The following CIMIP2C variants were observed in gnomAD, a reference collection of about 807,000 sequenced individuals.
CIMIP2C encodes UPF0573 protein C2orf70.
the CIMIP2C span, among the ~76,000 whole-genome samples, chr2:26,570,780 T>G: frequency 1.5e-4 from 23 of 152,118 alleles, no homozygotes; most frequent in Non-Finnish European, 2.6e-4. Flanking sequence ...TGGTGCTGTA[T>G]GGACAGCAGG....
At chr2:26,571,447 C>A in the CIMIP2C span, among the ~76,000 whole-genome samples, 1 of 152,220 alleles carries the variant, frequency 6.6e-6, no homozygotes, top group Admixed American at 6.5e-5. Flanking sequence ...GCCAGCTCAG[C>A]ATGGCGCCTG....
chr2:26,562,765 C>G, the CIMIP2C span: 1 of 1,287,500 alleles, frequency 7.8e-7, no homozygotes, highest in Non-Finnish European at 1.1e-6. Flanking sequence ...CCCCCTGCCC[C>G]CGGACTTTGG....
chr2:26,572,277 C>A, the CIMIP2C span: 1 of 930,514 alleles, frequency 1.1e-6, no homozygotes, highest in Non-Finnish European at 1.5e-6. Context: ...GTTGCTATTC[C>A]TGGTTCTGCA....
the CIMIP2C span, among the ~76,000 whole-genome samples, chr2:26,573,176 G>T: frequency 6.6e-6 from 1 of 152,174 alleles, no homozygotes; most frequent in Non-Finnish European, 1.5e-5. Flanking sequence ...CAGACTGAGG[G>T]AGGTCAAGGA....
the CIMIP2C span, among the ~76,000 whole-genome samples, chr2:26,570,917 C>G: frequency 6.6e-6 from 1 of 152,108 alleles, no homozygotes; most frequent in Non-Finnish European, 1.5e-5. Context: ...GGGGCCTAAG[C>G]AGGACTTAGG....
chr2:26,563,855 T>A, the CIMIP2C span, among the ~76,000 whole-genome samples: 1 of 152,162 alleles, frequency 6.6e-6, no homozygotes, highest in Non-Finnish European at 1.5e-5. Flanking sequence ...GGTGCTGTAG[T>A]TTTAACCTAG....
chr2:26,576,051 C>G, the CIMIP2C span: 5 of 1,614,118 alleles, frequency 3.1e-6, no homozygotes, highest in Admixed American at 8.3e-5. Flanking sequence ...ACCATCTTCT[C>G]CACCAACCCC....
the CIMIP2C span, among the ~76,000 whole-genome samples, chr2:26,567,031 G>T: frequency 4.8e-4 from 73 of 152,264 alleles, no homozygotes; most frequent in Middle Eastern, 3.4e-3. Context: ...AATTGTAATG[G>T]AATATAATTT....
At chr2:26,571,351 C>T in the CIMIP2C span, among the ~76,000 whole-genome samples, 1 of 152,190 alleles carries the variant, frequency 6.6e-6, no homozygotes, top group African/African-American at 2.4e-5. Flanking sequence ...CCAGTACCCA[C>T]CCTGGGAATG....
chr2:26,563,037 C>T, the CIMIP2C span: 1 of 291,550 alleles, frequency 3.4e-6, no homozygotes. Context: ...CAGCCTCCAG[C>T]GCTTAGAGAA....
the CIMIP2C span, chr2:26,579,249 C>T: frequency 6.2e-7 from 1 of 1,600,292 alleles, no homozygotes; most frequent in Non-Finnish European, 8.5e-7. Context: ...CACCACCTTC[C>T]TTCCCTGGCA....
the CIMIP2C span, among the ~76,000 whole-genome samples, chr2:26,573,127 T>G: frequency 6.6e-6 from 1 of 152,104 alleles, no homozygotes; most frequent in African/African-American, 2.4e-5. Flanking sequence ...GACCTTAATT[T>G]AGATGTAGAG....
the CIMIP2C span, chr2:26,578,760 C>T: frequency 8.5e-6 from 4 of 471,102 alleles, no homozygotes; most frequent in South Asian, 4.6e-5. Context: ...GACATCTCAA[C>T]TCTGTTCCTT....
At chr2:26,564,783 A>G in the CIMIP2C span, among the ~76,000 whole-genome samples, 3 of 152,290 alleles carry the variant, frequency 2.0e-5, no homozygotes, top group Non-Finnish European at 4.4e-5. Flanking sequence ...TACCTGCTTT[A>G]TTCATAGAGG....
the CIMIP2C span, among the ~76,000 whole-genome samples, chr2:26,562,876 G>A: frequency 6.6e-6 from 1 of 152,220 alleles, no homozygotes; most frequent in East Asian, 1.9e-4. Flanking sequence ...GCACGGGCGG[G>A]GGCCTCCCCA....
At chr2:26,567,819 AT>A in the CIMIP2C span, among the ~76,000 whole-genome samples, 6 of 152,180 alleles carry the variant, frequency 3.9e-5, no homozygotes, top group African/African-American at 1.4e-4. Context: ...TTCTGATGTC[AT>A]TGGTTGGGCT....
the CIMIP2C span, among the ~76,000 whole-genome samples, chr2:26,566,183 C>T: frequency 4.6e-5 from 7 of 152,382 alleles, no homozygotes; most frequent in Non-Finnish European, 8.8e-5. Flanking sequence ...GCCACTGCGC[C>T]CCATGCCCAC....
chr2:26,579,430 A>C, the CIMIP2C span: 9 of 1,613,758 alleles, frequency 5.6e-6, no homozygotes, highest in African/African-American at 8.0e-5. Context: ...CTTTGAGTTC[A>C]GAGCATGAGA....
chr2:26,562,993 G>C, the CIMIP2C span: 1 of 422,420 alleles, frequency 2.4e-6, no homozygotes. Flanking sequence ...ATGGAGCCAC[G>C]TGGGGTTTAG....
Sources: gnomAD v4.1 joint callset for allele counts (sites outside exome capture counted in the v4.1 genomes callset) on GRCh38, gnomAD v4.1.1 for gene constraint, MANE v1.5 for transcripts, NCBI Gene and HGNC (gene_info 2026-07-23, HGNC 2026-07-21) for gene names.